SMYD3: variants seen among roughly 807,000 people sequenced by gnomAD.
SMYD3 encodes histone-lysine N-methyltransferase SMYD3.
SMYD3 carries 36 observed loss-of-function variants against 57.7 expected under a neutral mutation model. The observed-to-expected ratio is 0.62, with a 90% CI of 0.48 to 0.82. The LOEUF is 0.82. Ranked by LOEUF, SMYD3 falls within the 40% of genes least tolerant of loss-of-function variation. The probability of loss-of-function intolerance (pLI) is 0.00; values close to 1 mark genes in which losing one functional copy is unlikely to be tolerated. For missense variants in SMYD3, 515 were observed against 538.8 expected (o/e 0.96, Z 0.44); for synonymous variants, 211 against 195.0 (o/e 1.08, Z -0.68).
intron 5 of SMYD3, among the ~76,000 whole-genome samples, chr1:245,932,021 T>C (rs1003065672): frequency 1.3e-5 from 2 of 152,202 alleles, no homozygotes; most frequent in Non-Finnish European, 2.9e-5. Context: ...ATGGTAAAAA[T>C]ATAAGACAGA....
intron 5 of SMYD3, among the ~76,000 whole-genome samples, chr1:246,085,565 G>A (rs2060708614): frequency 1.3e-5 from 2 of 152,142 alleles, no homozygotes; most frequent in Non-Finnish European, 2.9e-5. Flanking sequence ...GTGACATAGA[G>A]ACCTGAACAA....
chr1:246,365,606 T>A (rs1487763227), intron 1 of SMYD3, among the ~76,000 whole-genome samples: 3 of 151,408 alleles, frequency 2.0e-5, no homozygotes, highest in South Asian at 4.2e-4. Context: ...AATTTTTTAA[T>A]CTCCTCGACT....
intron 5 of SMYD3, among the ~76,000 whole-genome samples, chr1:246,224,121 A>G (rs529961107): frequency 2.0e-5 from 3 of 152,184 alleles, no homozygotes; most frequent in African/African-American, 7.2e-5. Flanking sequence ...AGACTGGCAA[A>G]AGGACTCTGT....
At chr1:246,273,974 CTTTATCTAGTTATTT>C (rs2064281935) in intron 5 of SMYD3, among the ~76,000 whole-genome samples, 2 of 152,014 alleles carry the variant, frequency 1.3e-5, no homozygotes. Flanking sequence ...TTTAGTTCTT[CTTTATCTAGTTATTT>C]CACTTTAAAG....
intron 10 of SMYD3, among the ~76,000 whole-genome samples, chr1:245,783,396 G>A (rs532630629): frequency 2.0e-5 from 3 of 152,230 alleles, no homozygotes; most frequent in African/African-American, 7.2e-5. Context: ...TCTGATGAGG[G>A]AATCCAAAGA....
At chr1:246,302,006 G>A (rs2064898441) in intron 5 of SMYD3, among the ~76,000 whole-genome samples, 2 of 152,050 alleles carry the variant, frequency 1.3e-5, no homozygotes, top group South Asian at 2.1e-4. Context: ...AGACTCCCAG[G>A]GAGGACATGC....
chr1:246,064,513 T>C (rs1164449485), intron 5 of SMYD3, among the ~76,000 whole-genome samples: 5 of 152,116 alleles, frequency 3.3e-5, no homozygotes, highest in African/African-American at 1.2e-4. Context: ...CCAACACAAA[T>C]CTTCCCCAGA....
At chr1:246,281,090 T>C (rs908339235) in intron 5 of SMYD3, among the ~76,000 whole-genome samples, 10 of 152,256 alleles carry the variant, frequency 6.6e-5, no homozygotes, top group African/African-American at 2.2e-4. Context: ...ATTTTTCTAA[T>C]CACAGCACCT....
intron 5 of SMYD3, among the ~76,000 whole-genome samples, chr1:246,320,953 T>C (rs1227044001): frequency 6.6e-6 from 1 of 152,222 alleles, no homozygotes; most frequent in Non-Finnish European, 1.5e-5. Context: ...AAGATTTCCA[T>C]CATCAAGGGA....
intron 5 of SMYD3, among the ~76,000 whole-genome samples, chr1:246,150,220 ATAAAC>A (rs2061920212): frequency 6.6e-6 from 1 of 152,246 alleles, no homozygotes; most frequent in African/African-American, 2.4e-5. Flanking sequence ...AAAGTATACT[ATAAAC>A]TATAATATTC....
rs569863530 is a variant in SMYD3 at position 245,845,964 on chromosome 1, G to A, written c.1076+12532C>T. Among the ~76,000 whole-genome samples the A allele has an allele frequency of 1.3e-4, 20 of 152,250 alleles. No homozygotes were observed. The East Asian group carries it at 1.4e-3, about 10-fold the overall frequency. On this transcript the variant is annotated intron_variant, in intron 10 of 11. Transcript: ENST00000490107. ...GGGCTGCCAGCACCTCATCTCCCTC[G>A]GTCCAGGCAGGGTTGGGTGTGAGAC...
At chr1:246,165,009 C>T (rs918489917) in intron 5 of SMYD3, among the ~76,000 whole-genome samples, 4 of 152,078 alleles carry the variant, frequency 2.6e-5, no homozygotes, top group African/African-American at 4.8e-5. Context: ...AACAAGGTGG[C>T]GAAAGAACCC....
At chr1:246,267,968 C>T (rs1347600868) in intron 5 of SMYD3, among the ~76,000 whole-genome samples, 1 of 152,194 alleles carries the variant, frequency 6.6e-6, no homozygotes, top group East Asian at 1.9e-4. Flanking sequence ...AGGCCTCACA[C>T]ATTCACCATT....
intron 1 of SMYD3, among the ~76,000 whole-genome samples, chr1:246,377,171 T>A (rs200946349): frequency 1.1e-4 from 4 of 36,068 alleles, no homozygotes; most frequent in Admixed American, 5.8e-4. Flanking sequence ...TAATAAAAAA[T>A]AACTAAATTT....
intron 5 of SMYD3, chr1:246,193,563 A>T (rs1021618568): frequency 6.6e-6 from 1 of 152,394 alleles, no homozygotes; most frequent in African/African-American, 2.4e-5. Flanking sequence ...ACCCACCCCC[A>T]TCACACTGGC....
chr1:246,482,491 C>T (rs771489041), intron 1 of SMYD3, among the ~76,000 whole-genome samples: 7 of 152,114 alleles, frequency 4.6e-5, no homozygotes, highest in Non-Finnish European at 1.0e-4. Flanking sequence ...ACGAAAGCCA[C>T]TCTGTCGCCT....
chr1:246,348,142 G>T (rs10924700), intron 2 of SMYD3, among the ~76,000 whole-genome samples: 1 of 146,976 alleles, frequency 6.8e-6, no homozygotes, highest in Non-Finnish European at 1.5e-5. Context: ...TGGGCCGGGC[G>T]CATTGGCTCA....
At chr1:246,389,947 G>A (rs2066531437) in intron 1 of SMYD3, among the ~76,000 whole-genome samples, 1 of 152,126 alleles carries the variant, frequency 6.6e-6, no homozygotes, top group African/African-American at 2.4e-5. Flanking sequence ...TGACAAACTT[G>A]GGGCTGTCTG....
intron 10 of SMYD3, among the ~76,000 whole-genome samples, chr1:245,830,026 AATTG>A (rs1335073275): frequency 1.3e-5 from 2 of 152,140 alleles, no homozygotes; most frequent in East Asian, 1.9e-4. Flanking sequence ...AATGTTCTAA[AATTG>A]ATTGTGGTGA....
Sources: gnomAD v4.1 joint callset for allele counts (sites outside exome capture counted in the v4.1 genomes callset) on GRCh38, gnomAD v4.1.1 for gene constraint, MANE v1.5 for transcripts, NCBI Gene and HGNC (gene_info 2026-07-23, HGNC 2026-07-21) for gene names.